N4BP1: variants seen among roughly 807,000 people sequenced by gnomAD.
N4BP1 encodes NEDD4 binding protein 1.
In N4BP1, 21 loss-of-function variants were observed where a neutral mutation model predicts 70.9. That is an observed-to-expected ratio of 0.30 (90% CI 0.21 to 0.43). The LOEUF (loss-of-function observed/expected upper bound fraction) is 0.43, where lower values mean the gene tolerates loss of function less well. Ranked by LOEUF, N4BP1 falls within the 20% of genes least tolerant of loss-of-function variation. N4BP1 has a pLI of 1.00. For missense variants in N4BP1, 936 were observed against 1,069.4 expected, an observed-to-expected ratio of 0.88 and a Z score of 1.74; for synonymous variants, 387 against 394.6, an observed-to-expected ratio of 0.98 and a Z score of 0.23.
At position 48,546,169 on chromosome 16, in the gene N4BP1, G is replaced by A. The variant is rs1169830035; in HGVS notation, c.2311C>T (p.Leu771Phe). 1 of 1,612,112 alleles carries A rather than the reference G, an allele frequency of 6.2e-7. No homozygotes were observed. Among genetic ancestry groups the A allele is most frequent in the Non-Finnish European group, 8.5e-7 (1 of 1,178,814 alleles). The change falls in exon 6 of 7, where the codon CTT (leucine) becomes TTT (phenylalanine). Residue 771 changes from leucine (L) to phenylalanine (F), a missense_variant. Leu to Phe is a conservative substitution (Grantham distance 22). Transcript: ENST00000262384. ...TACCTAAGACAGACTTCCTTCTGAA[G>A]AAACTCCTCTAATCGAGGTCCACTT... ...GRSGPRLEEF[L>F]QKEVCLRDMQ...
intron 1 of N4BP1, among the ~76,000 whole-genome samples, chr16:48,588,448 C>A (rs1310936820): frequency 1.3e-5 from 2 of 152,038 alleles, no homozygotes; most frequent in African/African-American, 4.8e-5. Context: ...GCACCCGCCA[C>A]CATGCCTGGC....
intron 1 of N4BP1, chr16:48,603,832 TC>T (rs1964537341): frequency 6.6e-6 from 1 of 152,330 alleles, no homozygotes; most frequent in Non-Finnish European, 1.5e-5. Context: ...AAAGGTCTTG[TC>T]CCTCCCTTAA....
chr16:48,562,015 A>G lies in N4BP1; in HGVS notation c.628T>C (p.Ser210Pro). Residue 210 changes from serine to proline, a missense_variant, in exon 2 of 7, where the codon TCT becomes CCT. By Grantham distance (74) the Ser-to-Pro change is moderately conservative. This residue lies in a region of N4BP1 where 515 missense variants were observed against 491.7 expected (regional missense o/e 1.05). Transcript: ENST00000262384. ...GDDEVIEMRD[S>P]QQTEFTQNAA... is the part of the protein sequence containing the mutation. ...TTCTGTGTAAACTCTGTTTGTTGAG[A>G]ATCTCTCATTTCAATAACCTCATCA... 6.2e-7 allele frequency: 1 copy of G among 1,613,908 alleles called. No homozygotes were observed. The highest frequency in any genetic ancestry group is 8.5e-7 in the Non-Finnish European group (1 of 1,179,884).
intron 3 of N4BP1, among the ~76,000 whole-genome samples, chr16:48,552,646 C>G (rs12935540): frequency 7.2e-6 from 1 of 139,602 alleles, no homozygotes; most frequent in Non-Finnish European, 1.5e-5. Context: ...TGCAGTGAGC[C>G]GAGATCATGC....
chr16:48,565,047 T>C (rs1031006849), intron 1 of N4BP1, among the ~76,000 whole-genome samples: 6 of 152,352 alleles, frequency 3.9e-5, no homozygotes, highest in East Asian at 1.9e-4. Flanking sequence ...CTTATTCCTA[T>C]TGAAAGTTCA....
chr16:48,572,365 G>A (rs1190452453), intron 1 of N4BP1, among the ~76,000 whole-genome samples: 3 of 152,030 alleles, frequency 2.0e-5, no homozygotes, highest in African/African-American at 7.2e-5. Flanking sequence ...GTGGGAACAG[G>A]ACATACAAAA....
rs773889180 is a variant in N4BP1, at chr16:48,542,949, T to G, written c.2646A>C (p.Pro882=). The G allele has an allele frequency of 6.2e-7, 1 of 1,613,592 alleles. No individual in the cohort carries two copies. The part of the protein sequence containing the change: ...LKIDQILVAH[P]YMKDLNALSA... ...AAAGCGCATTTAGATCTTTCATGTATGGGTGGGCCACCAAGATCTGGTCTA... is the reference window on the plus strand; with the variant it reads ...AAAGCGCATTTAGATCTTTCATGTAGGGGTGGGCCACCAAGATCTGGTCTA... The change falls in exon 7 of 7, where the codon CCA becomes CCC. Residue 882 remains proline (P), a synonymous_variant. Transcript: ENST00000262384.
At position 48,546,236 on chromosome 16, in the gene N4BP1, G is replaced by A. The variant is rs376326345; in HGVS notation, c.2244C>T (p.Phe748=). Residue 748 remains phenylalanine (F), a synonymous_variant, in exon 6 of 7, where the codon TTC becomes TTT. Transcript: ENST00000262384. ...IITKRLLQYT[F]VGDIFMVPDD... ...CGGGAACCATAAATATGTCCCCCACGAACGTGTACTGCAGCAGCCTACAAC... is the reference window on the plus strand; with the variant it reads ...CGGGAACCATAAATATGTCCCCCACAAACGTGTACTGCAGCAGCCTACAAC... 11 of 1,611,078 alleles carry A rather than the reference G, an allele frequency of 6.8e-6. No individual in the cohort carries two copies. Among genetic ancestry groups the A allele is most frequent in the Middle Eastern group, 1.7e-4 (1 of 6,050 alleles).
At chr16:48,583,776 A>G (rs1260004496) in intron 1 of N4BP1, among the ~76,000 whole-genome samples, 2 of 152,186 alleles carry the variant, frequency 1.3e-5, no homozygotes, top group Non-Finnish European at 1.5e-5. Context: ...TCATGCTTAC[A>G]TAACTTCAAA....
Position 48,592,346 on chromosome 16 carries a change from G to C in N4BP1, c.198+17429C>G, listed in dbSNP as rs114667294. ...CAGCATTTCCCTTTTGAAAATCCAG[G>C]ATGCAATATAAAAATGGGACCCTTA... On this transcript the variant is annotated intron_variant, in intron 1 of 6. Transcript: ENST00000262384. Among the ~76,000 whole-genome samples the C allele has an allele frequency of 4.1e-3, 630 of 152,258 alleles. 4 individuals carry two copies. The highest frequency in any genetic ancestry group is 0.015 in the African/African-American group (612 of 41,528).
intron 1 of N4BP1, among the ~76,000 whole-genome samples, chr16:48,585,437 G>A (rs1003274248): frequency 6.6e-6 from 1 of 151,236 alleles, no homozygotes; most frequent in African/African-American, 2.4e-5. Context: ...AGGAGCTCAA[G>A]ACCAGCCTGG....
chr16:48,574,210 G>A (rs184375683), intron 1 of N4BP1, among the ~76,000 whole-genome samples: 6 of 152,234 alleles, frequency 3.9e-5, no homozygotes, highest in South Asian at 2.1e-4. Flanking sequence ...TAAACCATGC[G>A]TATATATTAT....
chr16:48,580,158 A>G (rs970068664), intron 1 of N4BP1, among the ~76,000 whole-genome samples: 2 of 152,098 alleles, frequency 1.3e-5, no homozygotes, highest in African/African-American at 4.8e-5. Flanking sequence ...ATATTAATAA[A>G]ATGAGTTGTT....
At chr16:48,595,153 T>C (rs906653149) in intron 1 of N4BP1, among the ~76,000 whole-genome samples, 3 of 152,116 alleles carry the variant, frequency 2.0e-5, no homozygotes, top group Admixed American at 1.3e-4. Flanking sequence ...TTGCTTAAAA[T>C]GTTGCTGATC....
chr16:48,563,768 C>T (rs1041849448), intron 1 of N4BP1, among the ~76,000 whole-genome samples: 6 of 151,356 alleles, frequency 4.0e-5, no homozygotes, highest in African/African-American at 7.3e-5. Flanking sequence ...TGAATGCTGG[C>T]GTGAGCCACT....
At chr16:48,608,618 T>C (rs1964623193) in intron 1 of N4BP1, among the ~76,000 whole-genome samples, 2 of 151,994 alleles carry the variant, frequency 1.3e-5, no homozygotes, top group South Asian at 2.1e-4. Context: ...CTTGGTTACC[T>C]AGGAGGAGCA....
chr16:48,593,677 C>T (rs1249336289), intron 1 of N4BP1, among the ~76,000 whole-genome samples: 4 of 152,164 alleles, frequency 2.6e-5, no homozygotes, highest in Non-Finnish European at 4.4e-5. Context: ...ACCTTATGGT[C>T]AAACTAACTA....
chr16:48,587,624 C>T (rs992773738), intron 1 of N4BP1, among the ~76,000 whole-genome samples: 1 of 152,150 alleles, frequency 6.6e-6, no homozygotes, highest in Non-Finnish European at 1.5e-5. Context: ...TATGCAGCTG[C>T]TTGCATAAGA....
At chr16:48,595,946 T>C (rs1964406457) in intron 1 of N4BP1, among the ~76,000 whole-genome samples, 1 of 152,180 alleles carries the variant, frequency 6.6e-6, no homozygotes, top group South Asian at 2.1e-4. Flanking sequence ...AACCCATGGC[T>C]GGGCTTGGCT....
Sources: gnomAD v4.1 joint callset for allele counts (sites outside exome capture counted in the v4.1 genomes callset) on GRCh38, gnomAD v4.1.1 for gene constraint, gnomAD v4.1.1 regional missense constraint, MANE v1.5 for transcripts, NCBI Gene and HGNC (gene_info 2026-07-23, HGNC 2026-07-21) for gene names.